The following RNLS variants were observed in gnomAD, a reference collection of about 807,000 sequenced individuals.
The protein encoded by RNLS is renalase, FAD dependent amine oxidase, also known as renalase.
RNLS carries 39 observed loss-of-function variants against 39.8 expected under a neutral mutation model. The ratio of observed to expected loss-of-function variants is 0.98; its 90% CI spans 0.76 to 1.28. The LOEUF is 1.28. Among genes scored for constraint, RNLS ranks in the 50% most tolerant of loss-of-function variants. The probability of loss-of-function intolerance (pLI) is 0.00; values close to 1 mark genes in which losing one functional copy is unlikely to be tolerated. For missense variants in RNLS, 410 were observed against 413.3 expected (o/e 0.99, Z 0.07); for synonymous variants, 147 against 150.7 (o/e 0.98, Z 0.18).
At chr10:88,424,246 A>G (rs1854577661) in intron 4 of RNLS, among the ~76,000 whole-genome samples, 1 of 152,194 alleles carries the variant, frequency 6.6e-6, no homozygotes, top group African/African-American at 2.4e-5. Flanking sequence ...TGACAGAGGG[A>G]TGAATAAATG....
At chr10:88,200,992 T>A in the RNLS span, among the ~76,000 whole-genome samples, 3 of 2,380 alleles carry the variant, frequency 1.3e-3, no homozygotes, top group African/African-American at 7.1e-3. Context: ...AAATGAATCC[T>A]TTTTTTTTTT....
chr10:88,478,661 C>A (rs1441599960), intron 4 of RNLS, among the ~76,000 whole-genome samples: 1 of 152,100 alleles, frequency 6.6e-6, no homozygotes, highest in Admixed American at 6.6e-5. Context: ...ACTGCCCTTT[C>A]CAGCTTCCGT....
At chr10:88,429,297 G>T (rs1855000815) in intron 4 of RNLS, among the ~76,000 whole-genome samples, 1 of 151,916 alleles carries the variant, frequency 6.6e-6, no homozygotes, top group Non-Finnish European at 1.5e-5. Flanking sequence ...GTGTAATCAA[G>T]ATGATATATA....
intron 5 of RNLS, among the ~76,000 whole-genome samples, chr10:88,329,101 C>A (rs1436146487): frequency 6.9e-6 from 1 of 145,562 alleles, no homozygotes; most frequent in African/African-American, 2.5e-5. Context: ...TTTTTTTGCT[C>A]TCTCACCCAG....
downstream of RNLS, among the ~76,000 whole-genome samples, chr10:88,283,088 G>T (rs1843082559): frequency 6.6e-6 from 1 of 152,124 alleles, no homozygotes; most frequent in African/African-American, 2.4e-5. Flanking sequence ...ATCTCCCAGG[G>T]GAGTTTGATA....
chr10:88,370,741 T>A (rs1006477682), intron 4 of RNLS, among the ~76,000 whole-genome samples: 1 of 152,122 alleles, frequency 6.6e-6, no homozygotes, highest in African/African-American at 2.4e-5. Flanking sequence ...GCTGTAGAAA[T>A]AGTGCTGAAA....
intron 4 of RNLS, among the ~76,000 whole-genome samples, chr10:88,381,062 A>G (rs752063773): frequency 6.6e-6 from 1 of 152,224 alleles, no homozygotes; most frequent in African/African-American, 2.4e-5. Context: ...ATGTTCTGAT[A>G]TCCAGTAGAA....
At chr10:88,526,523 G>A (rs1302292740) in intron 4 of RNLS, among the ~76,000 whole-genome samples, 3 of 152,044 alleles carry the variant, frequency 2.0e-5, no homozygotes, top group African/African-American at 4.8e-5. Flanking sequence ...AACACTTTGG[G>A]AGGCTGAGGT....
chr10:88,289,768 C>T (rs986255933), intron 6 of RNLS, among the ~76,000 whole-genome samples: 1 of 152,126 alleles, frequency 6.6e-6, no homozygotes, highest in African/African-American at 2.4e-5. Context: ...AGAAAACCTA[C>T]ACAAAAAGTA....
At chr10:88,387,502 C>CAAAAAAAAAAAA (rs5786817) in intron 4 of RNLS, among the ~76,000 whole-genome samples, 1 of 70,112 alleles carries the variant, frequency 1.4e-5, no homozygotes, top group Non-Finnish European at 2.6e-5. Context: ...GAGAACAGAG[C>CAAAAAAAAAAAA]AAAAAAAAAA....
At chr10:88,412,399 T>C (rs986883734) in intron 4 of RNLS, among the ~76,000 whole-genome samples, 1 of 151,958 alleles carries the variant, frequency 6.6e-6, no homozygotes, top group Non-Finnish European at 1.5e-5. Context: ...TTGGGTTAAG[T>C]AATTTGCTCA....
chr10:88,540,318 G>C (rs1220619086), intron 4 of RNLS, among the ~76,000 whole-genome samples: 2 of 152,050 alleles, frequency 1.3e-5, no homozygotes, highest in Non-Finnish European at 2.9e-5. Flanking sequence ...TTGGAGATGT[G>C]ACTATAAAAG....
intron 4 of RNLS, among the ~76,000 whole-genome samples, chr10:88,382,645 T>C (rs890718659): frequency 1.3e-5 from 2 of 152,076 alleles, no homozygotes; most frequent in African/African-American, 4.8e-5. Flanking sequence ...AACAGTTGCT[T>C]GAATAGTTGA....
At chr10:88,524,998 T>TATATATATATATATATAC (rs1554919255) in intron 4 of RNLS, among the ~76,000 whole-genome samples, 1 of 104,476 alleles carries the variant, frequency 9.6e-6, no homozygotes, top group African/African-American at 3.5e-5. Flanking sequence ...TATATATATA[T>TATATATATATATATATAC]ACACACACAC....
the RNLS span, among the ~76,000 whole-genome samples, chr10:88,217,251 C>T: frequency 3.9e-5 from 6 of 152,216 alleles, no homozygotes; most frequent in Admixed American, 1.3e-4. Context: ...CAGCAAAGTT[C>T]GTCAAACGAA....
At chr10:88,512,229 A>T (rs1376417748) in intron 4 of RNLS, among the ~76,000 whole-genome samples, 1 of 152,172 alleles carries the variant, frequency 6.6e-6, no homozygotes, top group Non-Finnish European at 1.5e-5. Context: ...GGAAGATGCG[A>T]TTTAGAGAAA....
At chr10:88,364,077 A>G (rs149221973) in intron 4 of RNLS, among the ~76,000 whole-genome samples, 85 of 152,260 alleles carry the variant, frequency 5.6e-4, no homozygotes, top group Middle Eastern at 6.8e-3. Context: ...TCTATCTCCA[A>G]TACCCCTACC....
intron 4 of RNLS, among the ~76,000 whole-genome samples, chr10:88,526,828 A>G (rs1397701612): frequency 6.6e-6 from 1 of 152,044 alleles, no homozygotes. Flanking sequence ...TCACTAAAGA[A>G]AGCTCAATTC....
At chr10:88,314,353 G>T in intron 6 of RNLS, 113 bp downstream of exon 6, 2 of 1,106,198 alleles carry the variant, frequency 1.8e-6, no homozygotes, top group Non-Finnish European at 2.6e-6. Context: ...TTGCTCCAAG[G>T]ATCACATAGT....
Sources: gnomAD v4.1 joint callset for allele counts (sites outside exome capture counted in the v4.1 genomes callset) on GRCh38, gnomAD v4.1.1 for gene constraint, MANE v1.5 for transcripts, NCBI Gene and HGNC (gene_info 2026-07-23, HGNC 2026-07-21) for gene names.